Variants in KLHL29 observed in about 807,000 individuals in gnomAD.
The protein encoded by KLHL29 is kelch like family member 29.
KLHL29 carries 21 observed loss-of-function variants against 80.4 expected under a neutral mutation model. The ratio of observed to expected loss-of-function variants is 0.26; its 90% CI spans 0.19 to 0.38. The LOEUF is 0.38. KLHL29 is among the 10% of genes least tolerant of loss of function. KLHL29 has a pLI of 1.00. For missense variants in KLHL29, 867 were observed against 1,223.9 expected (o/e 0.71, Z 4.35); for synonymous variants, 511 against 526.8 (o/e 0.97, Z 0.41).
chr2:23,641,742 G>A (rs566136302), intron 4 of KLHL29, among the ~76,000 whole-genome samples: 1 of 152,212 alleles, frequency 6.6e-6, no homozygotes, highest in African/African-American at 2.4e-5. Context: ...CCAGCACTTT[G>A]GGAAGCTGAG....
Position 23,703,260 on chromosome 2 carries a change from T to C in KLHL29, c.2180T>C (p.Val727Ala). Residue 727 changes from valine (V) to alanine (A), a missense_variant, in exon 12 of 14, where the codon GTG becomes GCG. Around this residue, in one of 2 missense-constraint regions of KLHL29, gnomAD observed 443 missense variants for 767.0 expected, o/e 0.58. Transcript: ENST00000486442. ...PKAVHSAAAT[V>A]CGGKIYVFGG... ...GCAGTACACTCTGCTGCAGCCACAG[T>C]GTGTGGCGGCAAGATCTACGTGTTT... 1.3e-6 allele frequency: 2 copies of C among 1,547,080 alleles called. No individual in the cohort carries two copies. The highest frequency in any genetic ancestry group is 1.7e-6 in the Non-Finnish European group (2 of 1,144,680).
In KLHL29 at chr2:23,426,488, C is replaced by T. The variant is rs189762529; in HGVS notation, c.-154+40708C>T. ...TCCAGTTCTGGTTCTTTCTGCCCCT[C>T]GGGGTCTCCCAGTGCGCACCTGGTC... is the stretch of plus-strand genomic sequence containing the variant. On this transcript the variant is annotated intron_variant, in intron 1 of 13. Coordinates refer to ENST00000486442, the MANE Select transcript of KLHL29 (RefSeq NM_052920.2). 7.4e-4 allele frequency among the ~76,000 whole-genome samples: 113 copies of T among 152,318 alleles called. 4 individuals carry two copies. Among genetic ancestry groups the T allele is most frequent in the Non-Finnish European group, 2.9e-4 (20 of 68,034 alleles).
chr2:23,628,101 T>TG (rs773941296), intron 3 of KLHL29, among the ~76,000 whole-genome samples: 11 of 151,808 alleles, frequency 7.2e-5, no homozygotes, highest in Non-Finnish European at 1.6e-4. Context: ...TTAGTAGAGA[T>TG]GGGGTTTGCC....
At chr2:23,405,205 A>T (rs1177972579) in intron 1 of KLHL29, among the ~76,000 whole-genome samples, 1 of 152,194 alleles carries the variant, frequency 6.6e-6, no homozygotes, top group East Asian at 1.9e-4. Flanking sequence ...ATCCATACCA[A>T]TATTGTTTGG....
At chr2:23,588,126 T>C (rs1668164333) in intron 3 of KLHL29, among the ~76,000 whole-genome samples, 1 of 152,080 alleles carries the variant, frequency 6.6e-6, no homozygotes, top group Admixed American at 6.5e-5. Flanking sequence ...GCCCCTGCCC[T>C]GTGAGTAGCC....
intron 1 of KLHL29, among the ~76,000 whole-genome samples, chr2:23,435,797 C>G (rs955062222): frequency 6.6e-6 from 1 of 152,076 alleles, no homozygotes; most frequent in Non-Finnish European, 1.5e-5. Flanking sequence ...TCAGTTGCCT[C>G]AAGGCCTGGT....
chr2:23,552,828 C>T (rs1446274568), intron 2 of KLHL29, among the ~76,000 whole-genome samples: 2 of 135,418 alleles, frequency 1.5e-5, no homozygotes, highest in Non-Finnish European at 3.0e-5. Context: ...GGCACAATCT[C>T]GGCTCACTGC....
At chr2:23,449,998 C>T (rs1448726543) in intron 1 of KLHL29, among the ~76,000 whole-genome samples, 1 of 152,206 alleles carries the variant, frequency 6.6e-6, no homozygotes, top group Non-Finnish European at 1.5e-5. Flanking sequence ...CAGCCATTAA[C>T]TTGTGGGGCC....
intron 2 of KLHL29, among the ~76,000 whole-genome samples, chr2:23,485,682 C>T (rs1664917117): frequency 6.6e-6 from 1 of 152,200 alleles, no homozygotes; most frequent in African/African-American, 2.4e-5. Flanking sequence ...CAGGCAACAG[C>T]AAGCAGCAGA....
chr2:23,450,740 T>C (rs1459692593), intron 1 of KLHL29, among the ~76,000 whole-genome samples: 1 of 152,234 alleles, frequency 6.6e-6, no homozygotes, highest in Non-Finnish European at 1.5e-5. Flanking sequence ...AACAGCTTTA[T>C]TGATAAATAG....
rs1011505356 is a variant in KLHL29, at chr2:23,562,042, A to G, written c.-45-110A>G. 6.8e-6 allele frequency: 5 copies of G among 736,890 alleles called. No individual in the cohort carries two copies. The Admixed American group carries it at 8.0e-5, about 12-fold the overall frequency. 45.6% of individuals were successfully genotyped at this position (736,890 alleles called of 1,614,324 possible). On this transcript the variant is annotated intron_variant, in intron 2 of 13. Coordinates refer to ENST00000486442, the MANE Select transcript of KLHL29 (RefSeq NM_052920.2). The surrounding 1 kb of genome is among the most constrained non-coding windows in gnomAD (Gnocchi z 4.5). ...GGCTAGCGTGACTCTGAAATGAGCT[A>G]ATGTTTGAAGGCCTGTTATTGAACC... is the stretch of plus-strand genomic sequence containing the variant.
intron 2 of KLHL29, among the ~76,000 whole-genome samples, chr2:23,516,485 C>T (rs1040333775): frequency 6.6e-6 from 1 of 152,086 alleles, no homozygotes; most frequent in Non-Finnish European, 1.5e-5. Context: ...TCTTCCTCTT[C>T]CCCTGCACAC....
At chr2:23,586,137 A>G (rs535076220) in intron 3 of KLHL29, among the ~76,000 whole-genome samples, 8 of 152,252 alleles carry the variant, frequency 5.3e-5, no homozygotes, top group African/African-American at 1.9e-4. Flanking sequence ...CAGAGCTTAA[A>G]TGGAGTGTGA....
intron 3 of KLHL29, among the ~76,000 whole-genome samples, chr2:23,600,237 A>G (rs527579318): frequency 1.9e-4 from 29 of 152,198 alleles, no homozygotes; most frequent in Admixed American, 3.3e-4. Flanking sequence ...CTTTTCAACA[A>G]TTTTCTAAGC....
intron 1 of KLHL29, among the ~76,000 whole-genome samples, chr2:23,403,579 C>G (rs992674517): frequency 1.3e-5 from 2 of 152,090 alleles, no homozygotes; most frequent in African/African-American, 4.8e-5. Context: ...TCACATGTAC[C>G]TGTAAATTAC....
chr2:23,597,401 ATATATATTTTTTTTT>A (rs1668449459), intron 3 of KLHL29, among the ~76,000 whole-genome samples: 5 of 55,296 alleles, frequency 9.0e-5, no homozygotes, highest in African/African-American at 1.3e-4. Flanking sequence ...ATATATATAT[ATATATATTTTTTTTT>A]TTTTTTTTTT....
intron 2 of KLHL29, among the ~76,000 whole-genome samples, chr2:23,488,692 A>G (rs1288591724): frequency 6.6e-6 from 1 of 152,256 alleles, no homozygotes; most frequent in Non-Finnish European, 1.5e-5. Flanking sequence ...GAGGAGACAG[A>G]ATCACAAGTG....
intron 1 of KLHL29, among the ~76,000 whole-genome samples, chr2:23,408,573 A>G (rs544245025): frequency 1.6e-4 from 25 of 152,088 alleles, no homozygotes; most frequent in Non-Finnish European, 3.2e-4. Context: ...GTCCCAACAT[A>G]TTTGCTAATG....
rs1215076713 is a variant in KLHL29 at position 23,555,504 on chromosome 2, T to C, written c.-45-6648T>C. On this transcript the variant is annotated intron_variant, in intron 2 of 13. Transcript: ENST00000486442. ...TCCCAGGTGCTCTGGCACCCCATGA[T>C]GCTGACCATGCTGAAGATTTGGCCC... 2.0e-5 allele frequency among the ~76,000 whole-genome samples: 3 copies of C among 152,138 alleles called. No homozygotes were observed. In the East Asian group the frequency reaches 5.8e-4, roughly 29 times the overall value.
Sources: gnomAD v4.1 joint callset for allele counts (sites outside exome capture counted in the v4.1 genomes callset) on GRCh38, gnomAD v4.1.1 for gene constraint, gnomAD v4.1.1 regional missense constraint, Gnocchi (gnomAD v3.1) non-coding constraint, MANE v1.5 for transcripts, NCBI Gene and HGNC (gene_info 2026-07-23, HGNC 2026-07-21) for gene names.